The following ASTN2 variants were observed in gnomAD, a reference collection of about 807,000 sequenced individuals.
ASTN2 encodes astrotactin 2, also known as astrotactin-2.
In ASTN2, 54 loss-of-function variants were observed where a neutral mutation model predicts 139.8. That is an observed-to-expected ratio of 0.39 (90% confidence interval 0.31 to 0.48). The LOEUF (loss-of-function observed/expected upper bound fraction) is 0.48, where lower values mean the gene tolerates loss of function less well. Ranked by LOEUF, ASTN2 falls within the 20% of genes least tolerant of loss-of-function variation. The pLI is 0.95. For synonymous variants in ASTN2, 756 were observed against 719.5 expected (o/e 1.05, Z -0.81); for missense variants, 1,565 against 1,725.1 (o/e 0.91, Z 1.64).
intron 5 of ASTN2, among the ~76,000 whole-genome samples, chr9:117,044,595 C>T (rs540910312): frequency 2.6e-5 from 4 of 152,202 alleles, no homozygotes; most frequent in Admixed American, 6.5e-5. Context: ...ATAATACTCA[C>T]ACCCTCCCAA....
intron 16 of ASTN2, among the ~76,000 whole-genome samples, chr9:116,671,981 G>T (rs1016514112): frequency 2.0e-5 from 3 of 152,022 alleles, no homozygotes; most frequent in South Asian, 4.2e-4. Flanking sequence ...TGTGAGAGGG[G>T]AAAAAAAGTG....
intron 5 of ASTN2, among the ~76,000 whole-genome samples, chr9:117,081,053 A>G (rs1828414921): frequency 6.6e-6 from 1 of 152,190 alleles, no homozygotes; most frequent in Admixed American, 6.5e-5. Context: ...TACTCCAATT[A>G]GAAAAGGCAT....
chr9:116,847,778 CT>C (rs752472735), intron 11 of ASTN2, among the ~76,000 whole-genome samples: 31 of 152,314 alleles, frequency 2.0e-4, no homozygotes, highest in Admixed American at 3.9e-4. Context: ...ACTACGCTGC[CT>C]TTTACAATGT....
intron 11 of ASTN2, among the ~76,000 whole-genome samples, chr9:116,835,076 A>T (rs1831943236): frequency 6.6e-6 from 1 of 152,166 alleles, no homozygotes; most frequent in Non-Finnish European, 1.5e-5. Context: ...TAAAACAGAA[A>T]TTATTTACAT....
intron 16 of ASTN2, among the ~76,000 whole-genome samples, chr9:116,672,332 C>T (rs1357746427): frequency 6.6e-6 from 1 of 151,462 alleles, no homozygotes; most frequent in African/African-American, 2.4e-5. Flanking sequence ...TGACACTGCA[C>T]TCCACCCTGG....
intron 2 of ASTN2, among the ~76,000 whole-genome samples, chr9:117,282,222 T>C (rs188554123): frequency 2.0e-5 from 3 of 152,374 alleles, no homozygotes; most frequent in East Asian, 1.9e-4. Flanking sequence ...GTACCTAGTA[T>C]AGAATAGTTT....
At chr9:116,437,660 A>G (rs1422748893) in intron 22 of ASTN2, 1 of 461,970 alleles carries the variant, frequency 2.2e-6, no homozygotes, top group Admixed American at 2.4e-5. Context: ...CCCTGTGGGA[A>G]AGCCCAAAAA....
At chr9:116,803,498 A>T (rs1235951239) in intron 13 of ASTN2, among the ~76,000 whole-genome samples, 4 of 41,550 alleles carry the variant, frequency 9.6e-5, no homozygotes, top group East Asian at 3.3e-4. Context: ...ATATATATAT[A>T]TATATATATA....
At chr9:116,798,492 C>T (rs189746130) in intron 13 of ASTN2, among the ~76,000 whole-genome samples, 29 of 152,272 alleles carry the variant, frequency 1.9e-4, no homozygotes, top group South Asian at 8.3e-4. Context: ...CAGATGCTAC[C>T]ACTTTAGCTG....
At chr9:117,112,496 G>A (rs1159460170) in intron 4 of ASTN2, among the ~76,000 whole-genome samples, 1 of 152,080 alleles carries the variant, frequency 6.6e-6, no homozygotes, top group East Asian at 1.9e-4. Flanking sequence ...ATTGATTTTT[G>A]ATGTAGTTGT....
At chr9:116,827,411 T>A (rs953713438) in intron 11 of ASTN2, among the ~76,000 whole-genome samples, 2 of 143,380 alleles carry the variant, frequency 1.4e-5, no homozygotes, top group African/African-American at 5.2e-5. Flanking sequence ...CAGAAATAAA[T>A]GAAATAGACC....
At chr9:116,719,777 G>A (rs747100393) in intron 16 of ASTN2, among the ~76,000 whole-genome samples, 2 of 151,900 alleles carry the variant, frequency 1.3e-5, no homozygotes, top group Non-Finnish European at 2.9e-5. Flanking sequence ...AGGAGACAGA[G>A]ATGCAACAGT....
chr9:116,755,146 C>T (rs938202684), intron 13 of ASTN2, among the ~76,000 whole-genome samples: 5 of 152,120 alleles, frequency 3.3e-5, no homozygotes, highest in Non-Finnish European at 7.3e-5. Context: ...CCTTTGGATC[C>T]ATTTAAATGA....
intron 4 of ASTN2, among the ~76,000 whole-genome samples, chr9:117,099,570 A>G (rs992171826): frequency 6.6e-6 from 1 of 152,348 alleles, no homozygotes; most frequent in African/African-American, 2.4e-5. Context: ...TCTTCCAGGC[A>G]CTATTCTAAA....
intron 7 of ASTN2, among the ~76,000 whole-genome samples, chr9:117,007,220 A>C (rs920126863): frequency 2.6e-5 from 4 of 152,056 alleles, no homozygotes; most frequent in South Asian, 2.1e-4. Flanking sequence ...AACTCCACCC[A>C]AACTCCCAGC....
intron 7 of ASTN2, among the ~76,000 whole-genome samples, chr9:117,005,928 G>C (rs999879425): frequency 2.0e-5 from 3 of 152,086 alleles, no homozygotes; most frequent in Non-Finnish European, 2.9e-5. Context: ...GGCTATCCTA[G>C]GCCCTGGATG....
chr9:116,455,687 T>C (rs781715252), intron 20 of ASTN2, among the ~76,000 whole-genome samples: 5 of 151,202 alleles, frequency 3.3e-5, no homozygotes, highest in Non-Finnish European at 5.9e-5. Flanking sequence ...AAACTCTGAG[T>C]TTACTTTAAC....
chr9:117,193,639 C>CAAAAA (rs61700943), intron 3 of ASTN2, among the ~76,000 whole-genome samples: 2 of 106,078 alleles, frequency 1.9e-5, no homozygotes, highest in African/African-American at 3.7e-5. Flanking sequence ...ATTCAGTCAC[C>CAAAAA]AAAAAAAAAA....
At position 117,381,150 on chromosome 9, in the gene ASTN2, G is replaced by T. The variant is rs1587997647; in HGVS notation, c.442+33347C>A. ...AGAAGGTCACAAAAGACCACATATT[G>T]TATGATTTCACTTATATGAAATGTC... On this transcript the variant is annotated intron_variant, in intron 1 of 22. Coordinates refer to ENST00000313400, the MANE Select transcript of ASTN2 (RefSeq NM_001365068.1). 2.0e-5 allele frequency among the ~76,000 whole-genome samples: 3 copies of T among 152,280 alleles called. No individual in the cohort carries two copies. In the South Asian group the frequency reaches 6.2e-4, roughly 32 times the overall value.
Sources: gnomAD v4.1 joint callset for allele counts (sites outside exome capture counted in the v4.1 genomes callset) on GRCh38, gnomAD v4.1.1 for gene constraint, MANE v1.5 for transcripts, NCBI Gene and HGNC (gene_info 2026-07-23, HGNC 2026-07-21) for gene names.